The following PATJ variants were observed in gnomAD, a reference collection of about 807,000 sequenced individuals.
PATJ encodes inaD-like protein.
A neutral mutation model predicts 224.9 loss-of-function variants in PATJ; 190 were observed. The ratio of observed to expected loss-of-function variants is 0.84; its 90% CI spans 0.75 to 0.95. PATJ has a LOEUF of 0.95. Among genes scored for constraint, PATJ ranks in the 40% least tolerant of loss-of-function variants. PATJ has a pLI of 0.00. For synonymous variants in PATJ, 769 were observed against 820.3 expected (o/e 0.94, Z 1.07); for missense variants, 2,121 against 2,270.3 (o/e 0.93, Z 1.34).
rs552447462 is a variant in PATJ, at chr1:62,134,320, C to G, written c.5271+5375C>G. On this transcript the variant is annotated intron_variant, in intron 41 of 43. Transcript: ENST00000642238. ...GGATTACAGGTGTGAGCCATCGCAC[C>G]CAGCCCTCTCTTTTTTTTTTTTTTT... 2.9e-3 allele frequency among the ~76,000 whole-genome samples: 428 copies of G among 145,604 alleles called. 2 individuals are homozygous for G. Among genetic ancestry groups the G allele is most frequent in the African/African-American group, 0.011 (409 of 38,948 alleles).
At chr1:62,037,736 C>T (rs983368099) in intron 29 of PATJ, among the ~76,000 whole-genome samples, 1 of 152,180 alleles carries the variant, frequency 6.6e-6, no homozygotes, top group Non-Finnish European at 1.5e-5. Flanking sequence ...CTCCTAGCAT[C>T]ATCACTCTTT....
At chr1:62,078,070 T>C (rs913274446) in intron 31 of PATJ, among the ~76,000 whole-genome samples, 3 of 152,158 alleles carry the variant, frequency 2.0e-5, no homozygotes, top group South Asian at 2.1e-4. Flanking sequence ...ACTGACAGAA[T>C]CTTGAGGTGT....
At chr1:61,744,235 G>A (rs1042984349) in intron 1 of PATJ, among the ~76,000 whole-genome samples, 3 of 115,744 alleles carry the variant, frequency 2.6e-5, no homozygotes, top group Non-Finnish European at 4.8e-5. Context: ...GGTGAGTGGT[G>A]TTTGCACCAC....
At chr1:62,013,384 G>T (rs542400825) in intron 28 of PATJ, 2 of 985,194 alleles carry the variant, frequency 2.0e-6, no homozygotes, top group South Asian at 4.7e-5. Flanking sequence ...AAGCCTACTC[G>T]CAGTTGATTA....
chr1:61,861,466 G>T, intron 18 of PATJ, 85 bp from the exon 19 acceptor site: 3 of 664,850 alleles, frequency 4.5e-6, no homozygotes, highest in Non-Finnish European at 2.6e-6. Flanking sequence ...TGTGCATTAG[G>T]TATTTGTCCT....
At chr1:61,856,477 A>T (rs865933880) in intron 18 of PATJ, among the ~76,000 whole-genome samples, 47 of 152,364 alleles carry the variant, frequency 3.1e-4, no homozygotes, top group African/African-American at 1.1e-3. Context: ...TATTACATAA[A>T]TACTAGCTGC....
chr1:62,120,505 AG>A (rs985213073), intron 37 of PATJ, among the ~76,000 whole-genome samples: 2 of 152,208 alleles, frequency 1.3e-5, no homozygotes, highest in African/African-American at 4.8e-5. Context: ...CTATGTATAC[AG>A]TTTTTGTTGA....
chr1:62,153,534 T>C, intron 43 of PATJ, 53 bp downstream of exon 43: 1 of 1,164,038 alleles, frequency 8.6e-7, no homozygotes. Flanking sequence ...CTAGGTGAGA[T>C]TTCTTTTAAG....
At chr1:61,751,678 T>G (rs1645338056) in intron 1 of PATJ, among the ~76,000 whole-genome samples, 1 of 151,096 alleles carries the variant, frequency 6.6e-6, no homozygotes, top group South Asian at 2.1e-4. Context: ...ATACAAAAAT[T>G]AGCCAGGTAT....
chr1:61,809,777 G>A (rs543548496), intron 14 of PATJ, among the ~76,000 whole-genome samples: 2 of 151,520 alleles, frequency 1.3e-5, no homozygotes, highest in African/African-American at 4.8e-5. Flanking sequence ...TTGAATATTT[G>A]TAATCAATAT....
chr1:61,797,539 T>A lies in PATJ; in HGVS notation c.1402+111T>A. 3.5e-6 allele frequency: 3 copies of A among 853,488 alleles called. No individual in the cohort carries two copies. The Admixed American group carries it at 6.4e-5, about 18-fold the overall frequency. 52.9% of individuals were successfully genotyped at this position (853,488 alleles called of 1,614,324 possible). ...GCAGGAAATGTTGTCCCACCTCGTG[T>A]AATACACTGATGGAGAAATGAGTCA... On this transcript the variant is annotated intron_variant, in intron 11 of 43. Transcript: ENST00000642238.
rs747041306 is a variant in PATJ at position 61,769,359 on chromosome 1, G to A, written c.461G>A (p.Ser154Asn). 6 of 1,614,074 alleles carry A rather than the reference G, an allele frequency of 3.7e-6. No individual in the cohort carries two copies. The highest frequency in any genetic ancestry group is 5.1e-6 in the Non-Finnish European group (6 of 1,180,004). ...GLGFSVVALRSQNLGKVDIFV... is the reference protein window; with the variant it reads ...GLGFSVVALRNQNLGKVDIFV... The stretch of plus-strand genomic sequence containing the variant: ...GGATTCAGTGTGGTGGCCCTCAGAA[G>A]TCAAAATCTCGGAAAAGTTGATATC... Residue 154 changes from serine to asparagine, a missense_variant, in exon 5 of 44, where the codon AGT (serine) becomes AAT (asparagine). Coordinates refer to ENST00000642238, the MANE Select transcript of PATJ (RefSeq NM_001350145.3).
In PATJ at chr1:61,805,542, A is replaced by G. The variant is rs777512174; in HGVS notation, c.1626+18A>G. 43 of 1,399,614 alleles carry G rather than the reference A, an allele frequency of 3.1e-5. No individual in the cohort carries two copies. Among genetic ancestry groups the G allele is most frequent in the Non-Finnish European group, 4.4e-5 (43 of 987,802 alleles). The allele number at this position is 1,399,614 out of a possible 1,614,324, so 86.7% of individuals were successfully genotyped here. On this transcript the variant is annotated intron_variant, in intron 13 of 43. Transcript: ENST00000642238. Reference sequence around the variant, plus strand: ...AAGTAATGGTATGTTAAAATGCTCTAATAAAAAACATTCATGTCTCATTTC... The same window carrying G: ...AAGTAATGGTATGTTAAAATGCTCTGATAAAAAACATTCATGTCTCATTTC...
At chr1:61,931,164 T>C (rs578001807) in intron 27 of PATJ, among the ~76,000 whole-genome samples, 1 of 152,344 alleles carries the variant, frequency 6.6e-6, no homozygotes, top group South Asian at 2.1e-4. Context: ...GCTAGTTGCT[T>C]ATTTATAAAG....
At chr1:61,999,211 C>A (rs1223877640) in intron 28 of PATJ, among the ~76,000 whole-genome samples, 1 of 152,158 alleles carries the variant, frequency 6.6e-6, no homozygotes, top group Non-Finnish European at 1.5e-5. Context: ...TCTTCCATAA[C>A]CTACTGGGAT....
At chr1:62,010,017 A>G (rs1391269032) in intron 28 of PATJ, among the ~76,000 whole-genome samples, 2 of 142,522 alleles carry the variant, frequency 1.4e-5, no homozygotes, top group African/African-American at 5.2e-5. Flanking sequence ...TGGGAGGGGG[A>G]GGTTACAGTG....
At chr1:62,103,088 C>T (rs1181267771) in intron 33 of PATJ, among the ~76,000 whole-genome samples, 2 of 152,056 alleles carry the variant, frequency 1.3e-5, no homozygotes, top group African/African-American at 4.8e-5. Flanking sequence ...TCAACTCACG[C>T]CCTCAAGTTT....
chr1:62,040,891 T>A (rs1310293710), intron 30 of PATJ, among the ~76,000 whole-genome samples: 2 of 152,200 alleles, frequency 1.3e-5, no homozygotes, highest in African/African-American at 4.8e-5. Context: ...AATGGACCCT[T>A]GAAACAAAAG....
intron 27 of PATJ, among the ~76,000 whole-genome samples, chr1:61,982,108 G>T (rs2149506559): frequency 1.3e-5 from 2 of 152,122 alleles, no homozygotes; most frequent in Middle Eastern, 6.8e-3. Context: ...CCTGCTTCTG[G>T]GAAGTGGGGG....
Sources: gnomAD v4.1 joint callset for allele counts (sites outside exome capture counted in the v4.1 genomes callset) on GRCh38, gnomAD v4.1.1 for gene constraint, MANE v1.5 for transcripts, NCBI Gene and HGNC (gene_info 2026-07-23, HGNC 2026-07-21) for gene names.